FGD3: variants seen among roughly 807,000 people sequenced by gnomAD.
The protein encoded by FGD3 is FYVE, RhoGEF and PH domain containing 3.
Under a neutral mutation model 71.8 loss-of-function variants are expected in FGD3, and 45 were observed. That is an observed-to-expected ratio of 0.63 (90% confidence interval 0.49 to 0.80). FGD3 has a LOEUF of 0.80. Among genes scored for constraint, FGD3 ranks in the 30% least tolerant of loss-of-function variants. The probability of loss-of-function intolerance (pLI) is 0.00; values close to 1 mark genes in which losing one functional copy is unlikely to be tolerated. For missense variants in FGD3, 844 were observed against 951.5 expected (o/e 0.89, Z 1.49); for synonymous variants, 378 against 392.8 (o/e 0.96, Z 0.44).
chr9:92,988,800 A>G (rs1325799807), intron 3 of FGD3, among the ~76,000 whole-genome samples: 1 of 152,180 alleles, frequency 6.6e-6, no homozygotes, highest in Non-Finnish European at 1.5e-5. Flanking sequence ...GAAGCACTGT[A>G]TACCCTTTCC....
chr9:93,030,095 C>G (rs1358830567), intron 15 of FGD3, 99 bp downstream of exon 15: 1 of 1,434,776 alleles, frequency 7.0e-7, no homozygotes, highest in Non-Finnish European at 9.4e-7. Flanking sequence ...GCCATGCACA[C>G]CAGCCCTGCA....
intron 1 of FGD3, among the ~76,000 whole-genome samples, chr9:92,964,686 C>T (rs976427587): frequency 3.3e-5 from 5 of 152,270 alleles, no homozygotes; most frequent in East Asian, 3.9e-4. Context: ...GGTGCCTGCC[C>T]GTGTCCCCAT....
intron 9 of FGD3, among the ~76,000 whole-genome samples, chr9:93,014,299 C>CT (rs1861570020): frequency 6.6e-6 from 1 of 152,302 alleles, no homozygotes; most frequent in South Asian, 2.1e-4. Context: ...CAGACTTCAG[C>CT]TTGTAGCAAC....
chr9:92,996,364 C>A (rs909042702), intron 3 of FGD3, among the ~76,000 whole-genome samples: 1 of 152,140 alleles, frequency 6.6e-6, no homozygotes, highest in Non-Finnish European at 1.5e-5. Context: ...ATTTTTCTCT[C>A]TTTTCTTCTT....
intron 1 of FGD3, among the ~76,000 whole-genome samples, chr9:92,950,371 C>T (rs1482536338): frequency 2.1e-4 from 32 of 150,658 alleles, no homozygotes; most frequent in Admixed American, 2.1e-3. Context: ...GAGCTGAGAT[C>T]GGGCCACTAC....
At chr9:92,966,567 G>T (rs959226065) in intron 1 of FGD3, among the ~76,000 whole-genome samples, 1 of 152,234 alleles carries the variant, frequency 6.6e-6, no homozygotes, top group African/African-American at 2.4e-5. Flanking sequence ...GCAGACTCAG[G>T]CCTGGAGGCT....
chr9:93,018,897 G>A (rs1157657476), intron 11 of FGD3, among the ~76,000 whole-genome samples: 3 of 152,084 alleles, frequency 2.0e-5, no homozygotes, highest in African/African-American at 7.2e-5. Flanking sequence ...CCAGGCTGGA[G>A]TGCAGTGGCA....
intron 1 of FGD3, among the ~76,000 whole-genome samples, chr9:92,956,757 A>G (rs1379855351): frequency 6.6e-6 from 1 of 152,118 alleles, no homozygotes; most frequent in African/African-American, 2.4e-5. Context: ...GACTTCAGAA[A>G]CTAGTTCTGC....
At position 93,002,994 on chromosome 9, in the gene FGD3, C is replaced by G. The variant is rs775900978; in HGVS notation, c.523C>G (p.Arg175Gly). 1.2e-6 allele frequency: 2 copies of G among 1,614,032 alleles called. No individual in the cohort carries two copies. Among genetic ancestry groups the G allele is most frequent in the African/African-American group, 2.7e-5 (2 of 74,930 alleles). The change falls in exon 4 of 18, where the codon CGG becomes GGG. Residue 175 changes from arginine to glycine, a missense_variant. Transcript: ENST00000375482. ...LLHTEETYVK[R>G]LHLLDQVFCT... ...GCACACCGAGGAGACCTATGTGAAG[C>G]GGCTGCACCTGCTGGACCAGGTAGC...
rs1384830495 is a variant in FGD3 at position 93,029,954 on chromosome 9, C to T, written c.1638C>T (p.Asn546=). The change falls in exon 15 of 18, where the codon AAC becomes AAT. Residue 546 remains asparagine (N), a synonymous_variant. Transcript: ENST00000375482. ...GTAAGAGCTGTGGTGAGACCTTCAA[C>T]TCCATCACCAAGAGGAGGCATCACT... ...QSCKSCGETF[N]SITKRRHHCK... 8.1e-6 allele frequency: 13 copies of T among 1,613,498 alleles called. No homozygotes were observed. The highest frequency in any genetic ancestry group is 1.1e-5 in the Non-Finnish European group (13 of 1,179,678).
chr9:93,033,426 C>G (rs76714470), intron 16 of FGD3: 2 of 179,286 alleles, frequency 1.1e-5, no homozygotes, highest in Admixed American at 1.1e-4. Context: ...TCCTCCTGCT[C>G]CTTCTCCTCC....
At chr9:93,016,599 G>T (rs1446304950) in intron 10 of FGD3, among the ~76,000 whole-genome samples, 1 of 151,688 alleles carries the variant, frequency 6.6e-6, no homozygotes, top group Non-Finnish European at 1.5e-5. Flanking sequence ...GCCTCCCAAA[G>T]TGCTGGGATT....
intron 3 of FGD3, among the ~76,000 whole-genome samples, chr9:92,978,328 CT>C (rs1341537268): frequency 6.6e-6 from 1 of 151,434 alleles, no homozygotes; most frequent in Non-Finnish European, 1.5e-5. Flanking sequence ...TAGCCACATT[CT>C]TTTTCTTTAG....
In FGD3 at chr9:93,018,192, A is replaced by G. The variant is rs765395944; in HGVS notation, c.1332A>G (p.Lys444=). The G allele has an allele frequency of 1.9e-6, 3 of 1,614,134 alleles. No homozygotes were observed. The highest frequency in any genetic ancestry group is 2.5e-6 in the Non-Finnish European group (3 of 1,179,998). ...TAHTFIITGR[K]RSLELQTRTE... is the part of the protein sequence containing the mutation. Reference sequence around the variant, plus strand: ...ATACATTCATCATAACAGGAAGAAAAAGGTCCCTGGAGCTGCAGACGCGGT... The same window carrying G: ...ATACATTCATCATAACAGGAAGAAAGAGGTCCCTGGAGCTGCAGACGCGGT... Residue 444 remains lysine, a synonymous_variant, in exon 11 of 18, where the codon AAA becomes AAG. Transcript: ENST00000375482.
chr9:92,977,723 T>C (rs946107586), intron 3 of FGD3, among the ~76,000 whole-genome samples: 6 of 151,984 alleles, frequency 3.9e-5, no homozygotes, highest in African/African-American at 1.2e-4. Context: ...AAGCCCAGGG[T>C]CAGTCAGAAG....
chr9:92,984,661 C>G (rs142385826), intron 3 of FGD3, among the ~76,000 whole-genome samples: 186 of 152,264 alleles, frequency 1.2e-3, no homozygotes, highest in African/African-American at 4.3e-3. Context: ...AAGATGAATT[C>G]AGAGGTCAGG....
chr9:93,002,341 T>G (rs1587843768), intron 3 of FGD3, among the ~76,000 whole-genome samples: 1 of 152,260 alleles, frequency 6.6e-6, no homozygotes, highest in East Asian at 1.9e-4. Context: ...CCCAGCATTT[T>G]GGGAGGCTGA....
intron 1 of FGD3, among the ~76,000 whole-genome samples, chr9:92,965,442 G>A (rs892391072): frequency 8.5e-5 from 13 of 152,226 alleles, no homozygotes; most frequent in African/African-American, 2.4e-4. Flanking sequence ...CCCCAGAGCC[G>A]GGTGGGGCTG....
chr9:92,989,329 G>C (rs1003730871), intron 3 of FGD3, among the ~76,000 whole-genome samples: 1 of 152,152 alleles, frequency 6.6e-6, no homozygotes, highest in Admixed American at 6.5e-5. Flanking sequence ...GATTACAGGC[G>C]TGATCCACCG....
Sources: allele counts gnomAD v4.1 joint callset (sites outside exome capture counted in the v4.1 genomes callset), GRCh38; gene constraint gnomAD v4.1.1; transcripts MANE v1.5; gene names NCBI Gene and HGNC (gene_info 2026-07-23, HGNC 2026-07-21).